Variants in REEP2 observed in about 807,000 individuals in gnomAD.
REEP2 encodes receptor expression-enhancing protein 2.
In REEP2, 9 loss-of-function variants were observed where a neutral mutation model predicts 32.1. The observed-to-expected ratio is 0.28, with a 90% CI of 0.17 to 0.49. The LOEUF is 0.49. Ranked by LOEUF, REEP2 falls within the 20% of genes least tolerant of loss-of-function variation. The pLI is 0.99. For missense variants in REEP2, 236 were observed against 338.0 expected, an observed-to-expected ratio of 0.70 and a Z score of 2.37; for synonymous variants, 128 against 139.1, an observed-to-expected ratio of 0.92 and a Z score of 0.56.
intron 1 of REEP2, chr5:138,439,857 C>A: frequency 2.3e-6 from 1 of 427,334 alleles, no homozygotes. Flanking sequence ...GTGTGCTCAG[C>A]CTGGGATTGT....
intron 1 of REEP2, chr5:138,439,543 G>C (rs564271164): frequency 1.5e-4 from 74 of 509,700 alleles, no homozygotes; most frequent in African/African-American, 1.4e-3. Flanking sequence ...TGATTTAAAA[G>C]GGGAGGCAGG....
Position 138,445,459 on chromosome 5 carries a change from T to C in REEP2, c.566-9T>C. On this transcript the variant is annotated splice_polypyrimidine_tract_variant and intron_variant, in intron 6 of 7. Coordinates refer to ENST00000378339, the MANE Select transcript of REEP2 (RefSeq NM_001271803.2). ...AGATTCCCCCACCTCCTTTTCTCCC[T>C]GCACCCAGGAGATGACCCTGCCCTG... 2 of 1,614,080 alleles carry C rather than the reference T, an allele frequency of 1.2e-6. No individual in the cohort carries two copies. Among genetic ancestry groups the C allele is most frequent in the Non-Finnish European group, 1.7e-6 (2 of 1,180,002 alleles).
At position 138,439,257 on chromosome 5, in the gene REEP2, C is replaced by G. The variant is rs1763776330; in HGVS notation, c.32+17C>G. The stretch of plus-strand genomic sequence containing the variant: ...CCTGGTGGTGTGAGTGCGGCGGCGG[C>G]GGGGGGTGATGCGGGCTGTGATGGA... On this transcript the variant is annotated intron_variant, in intron 1 of 7. Coordinates refer to ENST00000378339, the MANE Select transcript of REEP2 (RefSeq NM_001271803.2). 3 of 1,416,038 alleles carry G rather than the reference C, an allele frequency of 2.1e-6. No homozygotes were observed. Among genetic ancestry groups the G allele is most frequent in the Non-Finnish European group, 9.2e-7 (1 of 1,085,322 alleles). The allele number at this position is 1,416,038 out of a possible 1,614,324, so 87.7% of individuals were successfully genotyped here. A position where few individuals can be genotyped will look rare whatever the true frequency, so the allele number is the denominator to read the frequency against.
rs1329475669 is a variant in REEP2 at position 138,441,115 on chromosome 5, C to A, written c.105+27C>A. On this transcript the variant is annotated intron_variant, in intron 2 of 7. Transcript: ENST00000378339. The surrounding 1 kb of genome is among the most constrained non-coding windows in gnomAD (Gnocchi z 4.4). The stretch of plus-strand genomic sequence containing the variant: ...TGAGTGGATGACCCTTCACCCCCTA[C>A]CCAACCCACATGGCACAGAGAGGGG... The A allele has an allele frequency of 4.3e-6, 7 of 1,613,354 alleles. 1 individual carries two copies. The highest frequency in any genetic ancestry group is 1.6e-4 in the Middle Eastern group (1 of 6,062).
chr5:138,442,659 T>A (rs1310073290), intron 3 of REEP2, among the ~76,000 whole-genome samples: 1 of 151,594 alleles, frequency 6.6e-6, no homozygotes, highest in African/African-American at 2.4e-5. Context: ...ATGGAGAGCA[T>A]CCTGTCCAAT....
chr5:138,446,529 G>T lies in REEP2; in HGVS notation c.*778G>T. 1 of 152,726 alleles carries T rather than the reference G, an allele frequency of 6.5e-6. No individual in the cohort carries two copies. The highest frequency in any genetic ancestry group is 1.5e-5 in the Non-Finnish European group (1 of 68,422). 9.5% of individuals were successfully genotyped at this position (152,726 alleles called of 1,614,324 possible). On this transcript the variant is annotated 3_prime_UTR_variant, in exon 8 of 8. Transcript: ENST00000378339. ...CTCAACCCTCCATCCTAGGCTCTGA[G>T]CCTCAGAGGACCCAGCCCATGAGAG...
intron 3 of REEP2, among the ~76,000 whole-genome samples, chr5:138,444,122 G>C (rs1240616380): frequency 2.0e-5 from 3 of 152,102 alleles, no homozygotes; most frequent in African/African-American, 7.2e-5. Flanking sequence ...GCAGAGGAAG[G>C]GGGGTTTTCT....
At position 138,441,936 on chromosome 5, in the gene REEP2, A is replaced by C. The variant is rs1436670931; in HGVS notation, c.182+475A>C. On this transcript the variant is annotated intron_variant, in intron 3 of 7. Transcript: ENST00000378339. The surrounding 1 kb of genome is among the most constrained non-coding windows in gnomAD (Gnocchi z 4.4). Reference sequence around the variant, plus strand: ...AGTGAGACTCCGTCTCAAAAAAAAAACAAACAAACAAGGAGTAAGAACAAA... The same window carrying C: ...AGTGAGACTCCGTCTCAAAAAAAAACCAAACAAACAAGGAGTAAGAACAAA... Among the ~76,000 whole-genome samples the C allele has an allele frequency of 2.6e-5, 4 of 152,032 alleles. No individual in the cohort carries two copies. Among genetic ancestry groups the C allele is most frequent in the East Asian group, 1.9e-4 (1 of 5,192 alleles).
chr5:138,442,525 A>G lies in REEP2; in HGVS notation c.182+1064A>G, dbSNP rs531603449. 8.5e-5 allele frequency among the ~76,000 whole-genome samples: 13 copies of G among 152,120 alleles called. No homozygotes were observed. In the South Asian group the frequency reaches 2.7e-3, roughly 32 times the overall value. On this transcript the variant is annotated intron_variant, in intron 3 of 7. Transcript: ENST00000378339. ...CAGGAGATCGAGACCATCCTGGCCAACACGGTGAAACCCCGTCTCTACTAA... is the reference window on the plus strand; with the variant it reads ...CAGGAGATCGAGACCATCCTGGCCAGCACGGTGAAACCCCGTCTCTACTAA...
chr5:138,439,718 T>A, intron 1 of REEP2: 1 of 456,922 alleles, frequency 2.2e-6, no homozygotes, highest in South Asian at 1.5e-5. Flanking sequence ...GGTCTCTCCC[T>A]TCCACTCACT....
Position 138,439,103 on chromosome 5 carries a change from C to G in REEP2, c.-106C>G. On this transcript the variant is annotated 5_prime_UTR_variant, in exon 1 of 8. Coordinates refer to ENST00000378339, the MANE Select transcript of REEP2 (RefSeq NM_001271803.2). ...CCCGCGGCGGCTGCTGCAGCGGCTG[C>G]TGCTGCTACTGCGGCTCCTGCTGCC... 1 of 514,398 alleles carries G rather than the reference C, an allele frequency of 1.9e-6. No homozygotes were observed. Among genetic ancestry groups the G allele is most frequent in the Non-Finnish European group, 2.7e-6 (1 of 364,634 alleles). 31.9% of individuals were successfully genotyped at this position (514,398 alleles called of 1,614,324 possible). A position where few individuals can be genotyped will look rare whatever the true frequency, so the allele number is the denominator to read the frequency against.
intron 3 of REEP2, among the ~76,000 whole-genome samples, chr5:138,442,729 C>G (rs556852398): frequency 1.3e-5 from 2 of 151,912 alleles, no homozygotes; most frequent in Non-Finnish European, 2.9e-5. Context: ...GGCGTGGTGG[C>G]GGGTGTCTGT....
chr5:138,440,854 A>G, intron 1 of REEP2, 162 bp from the exon 2 acceptor site: 1 of 1,371,334 alleles, frequency 7.3e-7, no homozygotes, highest in Non-Finnish European at 9.8e-7. Context: ...CTGGCTGGGC[A>G]TGTTCCATGC....
In REEP2 at chr5:138,441,380, C is replaced by T; in HGVS notation, c.106-5C>T. 4.3e-6 allele frequency: 7 copies of T among 1,613,996 alleles called. No homozygotes were observed. Among genetic ancestry groups the T allele is most frequent in the South Asian group, 2.2e-5 (2 of 91,082 alleles). On this transcript the variant is annotated splice_region_variant and splice_polypyrimidine_tract_variant and intron_variant, in intron 2 of 7. Transcript: ENST00000378339. This position sits in a 1 kb window ranked among gnomAD's most constrained non-coding sequence, Gnocchi z 4.4. ...CCCCAGCCAGCGCTTCCCTCTGTCC[C>T]TCAGGTGAAATGGATGATGTACTGG...
In REEP2 at chr5:138,444,442, C is replaced by T. The variant is rs775288391; in HGVS notation, c.210C>T (p.Ile70=). ...TCCCCTTCTACTTTGAACTGAAGATCGCCTTCGTGATATGGCTGCTGTCCC... is the reference window on the plus strand; with the variant it reads ...TCCCCTTCTACTTTGAACTGAAGATTGCCTTCGTGATATGGCTGCTGTCCC... ...SWFPFYFELK[I]AFVIWLLSPY... is the part of the protein sequence containing the mutation. The change falls in exon 4 of 8, where the codon ATC becomes ATT. Residue 70 remains isoleucine (I), a synonymous_variant. Coordinates refer to ENST00000378339, the MANE Select transcript of REEP2 (RefSeq NM_001271803.2). 20 of 1,614,040 alleles carry T rather than the reference C, an allele frequency of 1.2e-5. No homozygotes were observed. In the Admixed American group the frequency reaches 2.7e-4, roughly 22 times the overall value.
chr5:138,444,394 C>T (rs200296133), intron 3 of REEP2, 21 bp from the exon 4 acceptor site: 79 of 1,612,078 alleles, frequency 4.9e-5, no homozygotes, highest in Middle Eastern at 1.7e-4. Context: ...CTGTACTCTG[C>T]GCTTGCCCCT....
At position 138,445,340 on chromosome 5, in the gene REEP2, G is replaced by C. The variant is rs1285051301; in HGVS notation, c.530G>C (p.Ser177Thr). 1.9e-6 allele frequency: 3 copies of C among 1,613,466 alleles called. No individual in the cohort carries two copies. The highest frequency in any genetic ancestry group is 2.7e-5 in the African/African-American group (2 of 75,056). ...LQRPDGRLRPSPGSLLDTIED... is the reference protein window; with the variant it reads ...LQRPDGRLRPTPGSLLDTIED... The stretch of plus-strand genomic sequence containing the variant: ...AGGCCTGACGGCCGCCTCCGACCCA[G>C]CCCTGGCAGCCTCCTGGACACCATC... Residue 177 changes from serine (S) to threonine (T), a missense_variant, in exon 6 of 8, where the codon AGC (serine) becomes ACC (threonine). Coordinates refer to ENST00000378339, the MANE Select transcript of REEP2 (RefSeq NM_001271803.2).
At chr5:138,443,517 A>G (rs1763867216) in intron 3 of REEP2, 1 of 151,936 alleles carries the variant, frequency 6.6e-6, no homozygotes, top group South Asian at 2.1e-4. Flanking sequence ...GTGAAAAACA[A>G]AACTGAGGGT....
chr5:138,444,688 C>T, intron 4 of REEP2, 66 bp from the exon 5 acceptor site: 1 of 1,568,188 alleles, frequency 6.4e-7, no homozygotes, highest in Non-Finnish European at 8.7e-7. Context: ...GCAGGGGCCT[C>T]TGTCCAGGGG....
Sources: allele counts gnomAD v4.1 joint callset (sites outside exome capture counted in the v4.1 genomes callset), GRCh38; gene constraint gnomAD v4.1.1; non-coding constraint Gnocchi (gnomAD v3.1); transcripts MANE v1.5; gene names NCBI Gene and HGNC (gene_info 2026-07-23, HGNC 2026-07-21).